SCARA5: variants seen among roughly 807,000 people sequenced by gnomAD.
SCARA5 encodes scavenger receptor class A, member 5 (putative).
In SCARA5, 45 loss-of-function variants were observed where a neutral mutation model predicts 46.3. That is an observed-to-expected ratio of 0.97 (90% CI 0.76 to 1.24). The LOEUF (loss-of-function observed/expected upper bound fraction) is 1.24. SCARA5 is among the 50% of genes most tolerant of loss of function. The pLI, the probability that SCARA5 is intolerant of heterozygous loss-of-function variation, is 0.00. For synonymous variants in SCARA5, 333 were observed against 306.5 expected (o/e 1.09, Z -0.90); for missense variants, 680 against 689.0 (o/e 0.99, Z 0.15).
At chr8:27,889,757 G>A (rs1274491445) in intron 7 of SCARA5, among the ~76,000 whole-genome samples, 5 of 152,188 alleles carry the variant, frequency 3.3e-5, no homozygotes, top group Non-Finnish European at 7.3e-5. Context: ...AGAAGACAGG[G>A]TTGCCTTTGT....
At chr8:27,958,579 T>C (rs1046186363) in intron 3 of SCARA5, among the ~76,000 whole-genome samples, 1 of 152,198 alleles carries the variant, frequency 6.6e-6, no homozygotes, top group African/African-American at 2.4e-5. Flanking sequence ...ATGGGGACTA[T>C]AGGGACATGG....
chr8:27,873,992 G>A (rs1322642186), intron 8 of SCARA5, among the ~76,000 whole-genome samples: 1 of 152,246 alleles, frequency 6.6e-6, no homozygotes, highest in Non-Finnish European at 1.5e-5. Flanking sequence ...GGAGGTTACA[G>A]CGAGCCGAGA....
intron 1 of SCARA5, among the ~76,000 whole-genome samples, chr8:27,989,285 G>A (rs1409602288): frequency 6.6e-6 from 1 of 151,854 alleles, no homozygotes; most frequent in Non-Finnish European, 1.5e-5. Flanking sequence ...ACAGGCACAA[G>A]CCACCATGTC....
At position 27,873,849 on chromosome 8, in the gene SCARA5, C is replaced by T. The variant is rs958225690; in HGVS notation, c.1352-1779G>A. ...CAGCCTGGTCAACATGGCAAAACCC[C>T]GTCTCTACTAAAAACCCCGTCTCTA... On this transcript the variant is annotated intron_variant, in intron 8 of 8. Transcript: ENST00000354914. Among the ~76,000 whole-genome samples the T allele has an allele frequency of 2.6e-5, 4 of 152,102 alleles. No homozygotes were observed. The East Asian group carries it at 5.8e-4, about 22-fold the overall frequency.
At chr8:27,927,676 C>T (rs1445979682) in intron 3 of SCARA5, among the ~76,000 whole-genome samples, 1 of 152,014 alleles carries the variant, frequency 6.6e-6, no homozygotes, top group Non-Finnish European at 1.5e-5. Flanking sequence ...AGAAAGGTTC[C>T]TCCCCTTCCC....
chr8:27,933,756 T>C (rs73668280), intron 3 of SCARA5, among the ~76,000 whole-genome samples: 5,818 of 152,284 alleles, frequency 0.038, 376 homozygotes, highest in African/African-American at 0.13. Context: ...CTCTGTTTAT[T>C]TATCATGATT....
intron 3 of SCARA5, 68 bp from the exon 4 acceptor site, chr8:27,922,313 A>T: frequency 8.6e-7 from 1 of 1,159,522 alleles, no homozygotes; most frequent in Non-Finnish European, 1.2e-6. Context: ...CAAGAGGCGA[A>T]CCCAGTCAGA....
At chr8:27,948,027 T>C (rs1808065378) in intron 3 of SCARA5, among the ~76,000 whole-genome samples, 1 of 152,080 alleles carries the variant, frequency 6.6e-6, no homozygotes, top group Non-Finnish European at 1.5e-5. Flanking sequence ...CTTGGAGATA[T>C]GAAGAGTTCT....
chr8:27,972,666 C>T (rs1330574005), intron 2 of SCARA5, among the ~76,000 whole-genome samples: 3 of 152,128 alleles, frequency 2.0e-5, no homozygotes. Flanking sequence ...GAATTTAAAA[C>T]CAGCCTGGGC....
At chr8:27,893,410 A>G (rs1177724411) in intron 7 of SCARA5, among the ~76,000 whole-genome samples, 1 of 152,048 alleles carries the variant, frequency 6.6e-6, no homozygotes, top group East Asian at 1.9e-4. Flanking sequence ...CTATGTGGGG[A>G]TTCTCCTCTC....
chr8:27,920,151 G>A (rs1807560191), intron 4 of SCARA5, among the ~76,000 whole-genome samples: 1 of 152,012 alleles, frequency 6.6e-6, no homozygotes, highest in Non-Finnish European at 1.5e-5. Flanking sequence ...GAGTACAATG[G>A]AGGCCCATAC....
intron 7 of SCARA5, among the ~76,000 whole-genome samples, chr8:27,883,436 G>C (rs1449853413): frequency 6.6e-6 from 1 of 152,134 alleles, no homozygotes; most frequent in Non-Finnish European, 1.5e-5. Flanking sequence ...TCCCCTGCTG[G>C]GACCTGAGCA....
intron 3 of SCARA5, among the ~76,000 whole-genome samples, chr8:27,965,524 C>T (rs975689183): frequency 1.9e-5 from 2 of 106,678 alleles, no homozygotes; most frequent in Non-Finnish European, 4.1e-5. Flanking sequence ...AGGGCTCTAT[C>T]TGCATGACCC....
At position 27,978,577 on chromosome 8, in the gene SCARA5, T is replaced by C. The variant is rs538420925; in HGVS notation, c.112+8927A>G. Among the ~76,000 whole-genome samples the C allele has an allele frequency of 5.9e-5, 9 of 152,176 alleles. No individual in the cohort carries two copies. The South Asian group carries it at 1.9e-3, about 32-fold the overall frequency. On this transcript the variant is annotated intron_variant, in intron 2 of 8. Transcript: ENST00000354914. ...CCCAGGCTGAAGTGCAGTGGTGTGA[T>C]CACAGCTCACTGCAGCCTTGACCGC...
rs1257001075 is a variant in SCARA5 at position 27,921,967 on chromosome 8, TGCGGTCCCGCA to T, written c.509_519del (p.Leu170HisfsTer22). ...TGCGCCGTGTCGCTCTGCTGGCCCG[TGCGGTCCCGCA>T]GCAGGGCCACCGCCTGCTCGGTCTG... On this transcript the variant is annotated frameshift_variant, in exon 4 of 9. Coordinates refer to ENST00000354914, the MANE Select transcript of SCARA5 (RefSeq NM_173833.6). LOFTEE classifies it high-confidence loss of function. 1 of 1,544,042 alleles carries T rather than the reference TGCGGTCCCGCA, an allele frequency of 6.5e-7. No individual in the cohort carries two copies. Among genetic ancestry groups the T allele is most frequent in the Non-Finnish European group, 8.7e-7 (1 of 1,153,532 alleles).
Position 27,907,263 on chromosome 8 carries a change from C to T in SCARA5, c.998-17G>A. 1 of 1,585,386 alleles carries T rather than the reference C, an allele frequency of 6.3e-7. No individual in the cohort carries two copies. The highest frequency in any genetic ancestry group is 8.7e-7 in the Non-Finnish European group (1 of 1,155,732). On this transcript the variant is annotated splice_polypyrimidine_tract_variant and intron_variant, in intron 5 of 8. Coordinates refer to ENST00000354914, the MANE Select transcript of SCARA5 (RefSeq NM_173833.6). ...CGGGCAGACCTGGGGAGAAAACAGACAAATGGCAGAGCCTCAGATGCAGAA... is the reference window on the plus strand; with the variant it reads ...CGGGCAGACCTGGGGAGAAAACAGATAAATGGCAGAGCCTCAGATGCAGAA...
At chr8:27,876,247 G>T (rs949627326) in intron 8 of SCARA5, among the ~76,000 whole-genome samples, 2 of 152,208 alleles carry the variant, frequency 1.3e-5, no homozygotes, top group African/African-American at 4.8e-5. Flanking sequence ...CTTAGAGAGG[G>T]TAGGGAATCT....
chr8:27,922,163 C>G lies in SCARA5; in HGVS notation c.324G>C (p.Leu108Phe), dbSNP rs760053436. ...GCGGAGCCTGCAGCAGCCGCAGCTG[C>G]AAGTCCCGGAAGCTCTCATTCAGCC... ...VNRLNESFRD[L>F]QLRLLQAPLQ... is the part of the protein sequence containing the mutation. The change falls in exon 4 of 9, where the codon TTG (leucine) becomes TTC (phenylalanine). Residue 108 changes from leucine to phenylalanine, a missense_variant. Transcript: ENST00000354914. 6.7e-5 allele frequency: 108 copies of G among 1,607,694 alleles called. No homozygotes were observed. The highest frequency in any genetic ancestry group is 8.8e-5 in the Non-Finnish European group (104 of 1,177,920).
At position 27,921,757 on chromosome 8, in the gene SCARA5, G is replaced by A. The variant is rs1434449808; in HGVS notation, c.730C>T (p.Arg244Trp). 9.5e-6 allele frequency: 15 copies of A among 1,580,946 alleles called. No homozygotes were observed. The highest frequency in any genetic ancestry group is 7.2e-5 in the Admixed American group (4 of 55,466). ...ACCAGCACCCGCAGGTCCTGCAGCCGCGTGCGGTGGAGGGCCACGTCGTAG... is the reference window on the plus strand; with the variant it reads ...ACCAGCACCCGCAGGTCCTGCAGCCACGTGCGGTGGAGGGCCACGTCGTAG... ...LSYDVALHRT[R>W]LQDLRVLVSN... The change falls in exon 4 of 9, where the codon CGG (arginine) becomes TGG (tryptophan). Residue 244 changes from arginine to tryptophan, a missense_variant. Physicochemically the swap from Arg to Trp is moderately radical, Grantham distance 101. Coordinates refer to ENST00000354914, the MANE Select transcript of SCARA5 (RefSeq NM_173833.6).
Sources: gnomAD v4.1 joint callset for allele counts (sites outside exome capture counted in the v4.1 genomes callset) on GRCh38, gnomAD v4.1.1 for gene constraint, MANE v1.5 for transcripts, NCBI Gene and HGNC (gene_info 2026-07-23, HGNC 2026-07-21) for gene names.